The following SERTAD2 variants were observed in gnomAD, a reference collection of about 807,000 sequenced individuals.
SERTAD2 encodes the protein SERTA domain containing 2.
Under a neutral mutation model 15.4 loss-of-function variants are expected in SERTAD2, and 2 were observed. The ratio of observed to expected loss-of-function variants is 0.13; its 90% confidence interval spans 0.05 to 0.41. The LOEUF (loss-of-function observed/expected upper bound fraction) is 0.41, where lower values mean the gene tolerates loss of function less well. Among genes scored for constraint, SERTAD2 ranks in the 10% least tolerant of loss-of-function variants. SERTAD2 has a pLI of 0.99. For missense variants in SERTAD2, 333 were observed against 409.7 expected, an observed-to-expected ratio of 0.81 and a Z score of 1.62; for synonymous variants, 180 against 178.0, an observed-to-expected ratio of 1.01 and a Z score of -0.09.
chr2:64,643,400 C>G (rs545263319), intron 1 of SERTAD2, among the ~76,000 whole-genome samples: 1 of 152,208 alleles, frequency 6.6e-6, no homozygotes, highest in Non-Finnish European at 1.5e-5. Context: ...CATGCTCTGC[C>G]GCTCACCTGG....
At chr2:64,642,655 C>G (rs1315253133) in intron 1 of SERTAD2, among the ~76,000 whole-genome samples, 2 of 152,140 alleles carry the variant, frequency 1.3e-5, no homozygotes, top group Admixed American at 6.5e-5. Context: ...CTGCTTTAAC[C>G]TGCAGGCTCA....
Position 64,632,262 on chromosome 2 carries a change from A to G in SERTAD2, c.*3665T>C, listed in dbSNP as rs3190422. 8.1e-6 allele frequency: 1 copy of G among 123,966 alleles called. No homozygotes were observed. The highest frequency in any genetic ancestry group is 3.1e-5 in the African/African-American group (1 of 32,502). The allele number at this position is 123,966 out of a possible 1,614,324, so 7.7% of individuals were successfully genotyped here. On this transcript the variant is annotated 3_prime_UTR_variant, in exon 2 of 2. Coordinates refer to ENST00000313349, the MANE Select transcript of SERTAD2 (RefSeq NM_014755.3). ...TAGAGTCTTTTTTTTTTTTTTTTTT[A>G]CATTTGTCATTTAAGAAGGCTGCCC...
chr2:64,640,721 C>T (rs1430844893), intron 1 of SERTAD2, among the ~76,000 whole-genome samples: 1 of 152,102 alleles, frequency 6.6e-6, no homozygotes, highest in Admixed American at 6.5e-5. Context: ...CTTTGACACT[C>T]CACTTTATCT....
rs371487857 is a variant in SERTAD2 at position 64,636,216 on chromosome 2, G to A, written c.656C>T (p.Ser219Leu). Residue 219 changes from serine (S) to leucine (L), a missense_variant, in exon 2 of 2, where the codon TCA becomes TTA. Ser to Leu is a moderately radical substitution (Grantham distance 145). This residue lies in a region of SERTAD2 where 332 missense variants were observed against 392.9 expected (regional missense o/e 0.84). Coordinates refer to ENST00000313349, the MANE Select transcript of SERTAD2 (RefSeq NM_014755.3). ...CCCAGGCAGAGAGTCCATCAGTTTT[G>A]AGTCATCTGCGCGGCTCTCTTGAGG... The part of the protein sequence containing the change: ...DGPQESRADD[S>L]KLMDSLPGNF... 8 of 1,614,070 alleles carry A rather than the reference G, an allele frequency of 5.0e-6. No homozygotes were observed. In the African/African-American group the frequency reaches 1.1e-4, roughly 22 times the overall value.
At chr2:64,641,757 G>T (rs1674782762) in intron 1 of SERTAD2, among the ~76,000 whole-genome samples, 1 of 152,290 alleles carries the variant, frequency 6.6e-6, no homozygotes, top group South Asian at 2.1e-4. Context: ...CGGGATCAGG[G>T]TCGCGCAATG....
At chr2:64,648,200 A>T (rs1215597137) in intron 1 of SERTAD2, among the ~76,000 whole-genome samples, 1 of 152,248 alleles carries the variant, frequency 6.6e-6, no homozygotes, top group African/African-American at 2.4e-5. Context: ...GGAAGGAAAT[A>T]ACTATTTTAT....
rs1461914795 is a variant in SERTAD2, at chr2:64,634,945, C to T, written c.*982G>A. 1 of 152,692 alleles carries T rather than the reference C, an allele frequency of 6.5e-6. No individual in the cohort carries two copies. Among genetic ancestry groups the T allele is most frequent in the African/African-American group, 2.4e-5 (1 of 41,466 alleles). 9.5% of individuals were successfully genotyped at this position (152,692 alleles called of 1,614,324 possible). A position where few individuals can be genotyped will look rare whatever the true frequency, so the allele number is the denominator to read the frequency against. ...AAAAGAGGGAGCAAAAGAGAACCAT[C>T]ACTTAAACCCCCAGCTCCACAGCCA... is the stretch of plus-strand genomic sequence containing the variant. On this transcript the variant is annotated 3_prime_UTR_variant, in exon 2 of 2. Coordinates refer to ENST00000313349, the MANE Select transcript of SERTAD2 (RefSeq NM_014755.3).
intron 1 of SERTAD2, among the ~76,000 whole-genome samples, chr2:64,641,594 A>T (rs114826508): frequency 0.011 from 1,627 of 152,234 alleles, 27 homozygotes; most frequent in African/African-American, 0.037. Context: ...AAGTGGAAAT[A>T]ATGAGGAAAG....
intron 1 of SERTAD2, among the ~76,000 whole-genome samples, chr2:64,637,635 C>T (rs930221579): frequency 2.0e-5 from 3 of 152,194 alleles, no homozygotes; most frequent in Admixed American, 6.5e-5. Flanking sequence ...AAGTAATTAG[C>T]TCTGATTATA....
Position 64,636,412 on chromosome 2 carries a change from G to C in SERTAD2, c.460C>G (p.Pro154Ala). The C allele has an allele frequency of 6.2e-7, 1 of 1,614,188 alleles. No individual in the cohort carries two copies. Among genetic ancestry groups the C allele is most frequent in the South Asian group, 1.1e-5 (1 of 91,078 alleles). ...AGGGCTGGAGGTGACAGTTTGGTGG[G>C]AGCCGTGGGCTGCATGGCCTGGGAG... is the stretch of plus-strand genomic sequence containing the variant. ...CTSQAMQPTA[P>A]TKLSPPALLP... is the part of the protein sequence containing the mutation. The change falls in exon 2 of 2, where the codon CCC becomes GCC. Residue 154 changes from proline (P) to alanine (A), a missense_variant. Around this residue, in one of 2 missense-constraint regions of SERTAD2, gnomAD observed 332 missense variants for 392.9 expected, o/e 0.84. Coordinates refer to ENST00000313349, the MANE Select transcript of SERTAD2 (RefSeq NM_014755.3).
intron 1 of SERTAD2, among the ~76,000 whole-genome samples, chr2:64,640,585 C>T (rs1674753660): frequency 6.6e-6 from 1 of 151,910 alleles, no homozygotes; most frequent in African/African-American, 2.4e-5. Context: ...GAAGATGAAG[C>T]AGTAGCAGGA....
chr2:64,647,130 C>T (rs1215976076), intron 1 of SERTAD2, among the ~76,000 whole-genome samples: 4 of 151,988 alleles, frequency 2.6e-5, no homozygotes, highest in Non-Finnish European at 4.4e-5. Flanking sequence ...GATGATGAAG[C>T]GAGATCATTA....
chr2:64,646,377 A>T (rs1421662629), intron 1 of SERTAD2: 1 of 152,230 alleles, frequency 6.6e-6, no homozygotes, highest in Admixed American at 6.5e-5. Context: ...ACCCCCAGTG[A>T]AAACTATTAT....
At chr2:64,645,393 A>AAG (rs973672628) in intron 1 of SERTAD2, among the ~76,000 whole-genome samples, 2 of 4,998 alleles carry the variant, frequency 4.0e-4, no homozygotes, top group African/African-American at 9.7e-4. Context: ...GAAGAAGAAG[A>AAG]AAAAAAAAGC....
chr2:64,651,446 CTAAAG>C (rs1301680729), intron 1 of SERTAD2, among the ~76,000 whole-genome samples: 2 of 152,106 alleles, frequency 1.3e-5, no homozygotes, highest in South Asian at 2.1e-4. Flanking sequence ...GTGTGCCTTT[CTAAAG>C]TAGTGTTGTA....
chr2:64,643,366 G>A (rs1432413843), intron 1 of SERTAD2, among the ~76,000 whole-genome samples: 1 of 152,250 alleles, frequency 6.6e-6, no homozygotes, highest in South Asian at 2.1e-4. Context: ...CGTGGTGTAC[G>A]GGCGGCTAGT....
At position 64,636,209 on chromosome 2, in the gene SERTAD2, C is replaced by T. The variant is rs749248128; in HGVS notation, c.663G>A (p.Leu221=). The change falls in exon 2 of 2, where the codon CTG becomes CTA. Residue 221 remains leucine (L), a synonymous_variant. Transcript: ENST00000313349. The part of the protein sequence containing the change: ...PQESRADDSK[L]MDSLPGNFEI... Reference sequence around the variant, plus strand: ...CAAAATTCCCAGGCAGAGAGTCCATCAGTTTTGAGTCATCTGCGCGGCTCT... The same window carrying T: ...CAAAATTCCCAGGCAGAGAGTCCATTAGTTTTGAGTCATCTGCGCGGCTCT... The T allele has an allele frequency of 2.2e-5, 36 of 1,614,078 alleles. No individual in the cohort carries two copies. The South Asian group carries it at 3.7e-4, about 17-fold the overall frequency.
chr2:64,637,500 G>T (rs1222282156), intron 1 of SERTAD2, among the ~76,000 whole-genome samples: 1 of 152,182 alleles, frequency 6.6e-6, no homozygotes, highest in African/African-American at 2.4e-5. Context: ...TGACCACAGT[G>T]ACTGAGCCGC....
intron 1 of SERTAD2, among the ~76,000 whole-genome samples, chr2:64,647,587 G>C (rs982034278): frequency 2.6e-5 from 4 of 151,320 alleles, no homozygotes; most frequent in African/African-American, 9.7e-5. Flanking sequence ...CCTCACACTA[G>C]AGACCCTTAA....
Sources: allele counts gnomAD v4.1 joint callset (sites outside exome capture counted in the v4.1 genomes callset), GRCh38; gene constraint gnomAD v4.1.1; regional missense constraint gnomAD v4.1.1; transcripts MANE v1.5; gene names NCBI Gene and HGNC (gene_info 2026-07-23, HGNC 2026-07-21).